Variants in NAA25 observed in about 807,000 individuals in gnomAD.
The protein encoded by NAA25 is N-alpha-acetyltransferase 25, NatB auxiliary subunit, also known as N-terminal acetyltransferase B complex subunit NAA25.
A neutral mutation model predicts 132.5 loss-of-function variants in NAA25; 30 were observed. That is an observed-to-expected ratio of 0.23 (90% CI 0.17 to 0.31). NAA25 has a LOEUF of 0.31. Among genes scored for constraint, NAA25 ranks in the 10% least tolerant of loss-of-function variants. NAA25 has a pLI of 1.00. For synonymous variants in NAA25, 359 were observed against 401.9 expected, an observed-to-expected ratio of 0.89 and a Z score of 1.28; for missense variants, 771 against 1,150.4, an observed-to-expected ratio of 0.67 and a Z score of 4.77.
intron 1 of NAA25, among the ~76,000 whole-genome samples, chr12:112,099,617 C>T (rs2079262660): frequency 6.6e-6 from 1 of 152,124 alleles, no homozygotes; most frequent in Non-Finnish European, 1.5e-5. Flanking sequence ...AATGAACGCA[C>T]AAGCTGCACT....
intron 11 of NAA25, among the ~76,000 whole-genome samples, chr12:112,068,170 C>G (rs1486134021): frequency 1.3e-5 from 2 of 152,178 alleles, no homozygotes; most frequent in African/African-American, 4.8e-5. Context: ...TCCCAAGTAG[C>G]TGGGGACTAC....
At position 112,026,860 on chromosome 12, in the gene NAA25, ATTAAAAG is replaced by A. The variant is rs2078093401; in HGVS notation, c.*2664_*2670del. On this transcript the variant is annotated 3_prime_UTR_variant, in exon 24 of 24. Transcript: ENST00000261745. ...TAGATACATTGAAACCCCTTTTTAT[ATTAAAAG>A]TTAAAATGAAAGACAAATCCAGATT... 6.6e-6 allele frequency: 1 copy of A among 152,448 alleles called. No homozygotes were observed. The highest frequency in any genetic ancestry group is 1.5e-5 in the Non-Finnish European group (1 of 68,026). 9.4% of individuals were successfully genotyped at this position (152,448 alleles called of 1,614,324 possible). A position where few individuals can be genotyped will look rare whatever the true frequency, so the allele number is the denominator to read the frequency against.
chr12:112,080,569 C>T (rs146457307), intron 5 of NAA25, among the ~76,000 whole-genome samples: 121 of 152,038 alleles, frequency 8.0e-4, no homozygotes, highest in African/African-American at 2.8e-3. Flanking sequence ...GACATGATCT[C>T]GGCTCACTGA....
intron 4 of NAA25, among the ~76,000 whole-genome samples, chr12:112,082,113 T>C (rs1275671313): frequency 6.6e-6 from 1 of 151,998 alleles, no homozygotes; most frequent in African/African-American, 2.4e-5. Flanking sequence ...TAGCTGGGCG[T>C]GGCAGCAGGG....
chr12:112,052,974 G>A (rs1037607152), intron 15 of NAA25, among the ~76,000 whole-genome samples: 1 of 152,240 alleles, frequency 6.6e-6, no homozygotes, highest in African/African-American at 2.4e-5. Context: ...TAACCAACAA[G>A]TAGAGCCCAA....
chr12:112,082,382 C>T (rs2078985395), intron 4 of NAA25, among the ~76,000 whole-genome samples: 2 of 152,008 alleles, frequency 1.3e-5, no homozygotes, highest in Admixed American at 1.3e-4. Context: ...CCAGCCTGGG[C>T]AACATTGTAA....
chr12:112,082,490 T>G (rs1204553527), intron 4 of NAA25, among the ~76,000 whole-genome samples: 1 of 151,564 alleles, frequency 6.6e-6, no homozygotes, highest in Non-Finnish European at 1.5e-5. Context: ...GAAGATCACC[T>G]AAGCCCAGGG....
At chr12:112,069,249 G>A in intron 10 of NAA25, 4 of 331,092 alleles carry the variant, frequency 1.2e-5, no homozygotes, top group Non-Finnish European at 2.2e-5. Flanking sequence ...GCTCACACCT[G>A]TAATCCCACA....
intron 4 of NAA25, among the ~76,000 whole-genome samples, chr12:112,086,457 T>C (rs138713369): frequency 9.9e-4 from 150 of 151,800 alleles, no homozygotes; most frequent in Non-Finnish European, 1.8e-3. Context: ...ATCGTGCCAC[T>C]GCACTCCAGC....
In NAA25 at chr12:112,042,040, T is replaced by C; in HGVS notation, c.2439A>G (p.Lys813=). 6.8e-7 allele frequency: 1 copy of C among 1,469,498 alleles called. No homozygotes were observed. The highest frequency in any genetic ancestry group is 9.1e-7 in the Non-Finnish European group (1 of 1,102,880). 91.0% of individuals were successfully genotyped at this position (1,469,498 alleles called of 1,614,324 possible). Residue 813 remains lysine (K), a splice_region_variant and synonymous_variant, in exon 20 of 24, where the codon AAA becomes AAG. Coordinates refer to ENST00000261745, the MANE Select transcript of NAA25 (RefSeq NM_024953.4). The part of the protein sequence containing the change: ...NSFKSLLDQL[K]DVFSKCKGDL... The stretch of plus-strand genomic sequence containing the variant: ...GGAATCTACAGTAGGAAAACTTACC[T>C]TTTAACTGGTCTAGTAAAGACTTAA...
At chr12:112,067,236 A>G (rs1273933295) in intron 11 of NAA25, among the ~76,000 whole-genome samples, 1 of 152,060 alleles carries the variant, frequency 6.6e-6, no homozygotes, top group Non-Finnish European at 1.5e-5. Context: ...CAAGACATTA[A>G]AAGGAGAGCC....
At chr12:112,031,224 G>A (rs545664589) in intron 23 of NAA25, among the ~76,000 whole-genome samples, 10 of 152,200 alleles carry the variant, frequency 6.6e-5, no homozygotes, top group Non-Finnish European at 1.5e-4. Context: ...CAGGACTAGA[G>A]GTCACAGTCC....
intron 1 of NAA25, among the ~76,000 whole-genome samples, chr12:112,096,320 T>C (rs1157774753): frequency 1.3e-5 from 2 of 152,164 alleles, no homozygotes; most frequent in African/African-American, 2.4e-5. Context: ...TCCTCTTTGC[T>C]CATCAAAGTT....
At chr12:112,060,206 G>T in intron 13 of NAA25, 64 bp downstream of exon 13, 2 of 1,003,714 alleles carry the variant, frequency 2.0e-6, no homozygotes, top group Non-Finnish European at 1.5e-6. Context: ...TCTAATGAAA[G>T]AATGCAGTAC....
At chr12:112,099,354 C>A (rs1256091123) in intron 1 of NAA25, among the ~76,000 whole-genome samples, 1 of 151,252 alleles carries the variant, frequency 6.6e-6, no homozygotes, top group Non-Finnish European at 1.5e-5. Flanking sequence ...TGGTTAATAA[C>A]ATTGTTTAGT....
chr12:112,032,780 G>A (rs2078166886), intron 23 of NAA25, among the ~76,000 whole-genome samples: 1 of 152,130 alleles, frequency 6.6e-6, no homozygotes, highest in Non-Finnish European at 1.5e-5. Context: ...TCCATACTTG[G>A]TTTCATTCCC....
rs550811706 is a variant in NAA25, at chr12:112,077,161, A to AAAT, written c.664+1024_664+1026dup. Among the ~76,000 whole-genome samples the AAAT allele has an allele frequency of 2.7e-3, 416 of 151,736 alleles. 5 individuals carry two copies. The highest frequency in any genetic ancestry group is 9.5e-3 in the African/African-American group (395 of 41,400). On this transcript the variant is annotated intron_variant, in intron 7 of 23. Transcript: ENST00000261745. ...ATCTCTAGGAAATACTATTTAGTTA[A>AAAT]AATAATAATAATAATAATAAAATAA...
At chr12:112,069,603 C>T (rs752735800) in intron 10 of NAA25, among the ~76,000 whole-genome samples, 18 of 141,506 alleles carry the variant, frequency 1.3e-4, no homozygotes, top group Non-Finnish European at 2.2e-4. Context: ...GGAGGATCAC[C>T]TGAGGTCAAG....
chr12:112,028,390 T>A lies in NAA25; in HGVS notation c.*1141A>T, dbSNP rs1174843320. ...TTACCTCTTCTATCAGACCAACCAC[T>A]GATAGAAGAAGCTAGAGTCTTGGGG... On this transcript the variant is annotated 3_prime_UTR_variant, in exon 24 of 24. Transcript: ENST00000261745. 1 of 152,504 alleles carries A rather than the reference T, an allele frequency of 6.6e-6. No individual in the cohort carries two copies. The highest frequency in any genetic ancestry group is 1.5e-5 in the Non-Finnish European group (1 of 68,034). The allele number at this position is 152,504 out of a possible 1,614,324, so 9.4% of individuals were successfully genotyped here. A position where few individuals can be genotyped will look rare whatever the true frequency, so the allele number is the denominator to read the frequency against.
Sources: gnomAD v4.1 joint callset for allele counts (sites outside exome capture counted in the v4.1 genomes callset) on GRCh38, gnomAD v4.1.1 for gene constraint, MANE v1.5 for transcripts, NCBI Gene and HGNC (gene_info 2026-07-23, HGNC 2026-07-21) for gene names.